The following NHSL2 variants were observed in gnomAD, a reference collection of about 807,000 sequenced individuals.
NHSL2 encodes NHS-like protein 2.
In NHSL2, 27 loss-of-function variants were observed where a neutral mutation model predicts 53.4. The observed-to-expected ratio is 0.51, with a 90% CI of 0.37 to 0.70. The LOEUF is 0.70. Ranked by LOEUF, NHSL2 falls within the 30% of genes least tolerant of loss-of-function variation. The pLI, the probability that NHSL2 is intolerant of heterozygous loss-of-function variation, is 0.00. For synonymous variants in NHSL2, 408 were observed against 404.1 expected, an observed-to-expected ratio of 1.01 and a Z score of -0.12; for missense variants, 892 against 980.1, an observed-to-expected ratio of 0.91 and a Z score of 1.20.
intron 1 of NHSL2, among the ~76,000 whole-genome samples, chrX:72,108,615 C>T (rs1330342425): frequency 8.9e-6 from 1 of 112,878 alleles, no homozygotes; most frequent in Non-Finnish European, 1.9e-5. Flanking sequence ...CACAGAGCAG[C>T]CTGAGCAAAC....
chrX:72,069,868 G>A (rs1366396057), intron 1 of NHSL2: 1 of 318,410 alleles, frequency 3.1e-6, no homozygotes, highest in East Asian at 4.8e-5. Flanking sequence ...AGGGGGCAGG[G>A]AGAGAACCCG....
intron 1 of NHSL2, among the ~76,000 whole-genome samples, chrX:72,053,357 C>T (rs886365532): frequency 2.7e-5 from 3 of 111,841 alleles, no homozygotes; most frequent in Non-Finnish European, 3.8e-5. Flanking sequence ...GGGGACAGGA[C>T]GCTCCATAAC....
rs772353793 is a variant in NHSL2, at chrX:72,138,483, C to T, written c.935C>T (p.Thr312Ile). The change falls in exon 6 of 8, where the codon ACC becomes ATC. Residue 312 changes from threonine to isoleucine, a missense_variant. Physicochemically the swap from Thr to Ile is moderately conservative, Grantham distance 89. Coordinates refer to ENST00000633930, the MANE Select transcript of NHSL2 (RefSeq NM_001013627.3). Reference protein sequence around the residue: ...SPAGSVAHSTTSDIRPSHSVP... With the variant: ...SPAGSVAHSTISDIRPSHSVP... ...GCAGGCAGTGTGGCCCACTCTACCACCTCCGACATCAGGCCCAGTCACTCA... is the reference window on the plus strand; with the variant it reads ...GCAGGCAGTGTGGCCCACTCTACCATCTCCGACATCAGGCCCAGTCACTCA... 4 of 1,161,319 alleles carry T rather than the reference C, an allele frequency of 3.4e-6. No individual in the cohort carries two copies.
intron 1 of NHSL2, among the ~76,000 whole-genome samples, chrX:71,957,501 C>T (rs1366841238): frequency 4.5e-5 from 5 of 111,963 alleles, no homozygotes; most frequent in African/African-American, 6.5e-5. Flanking sequence ...CTCCTGACCT[C>T]GTGATCCGCC....
chrX:72,106,165 C>T (rs749747904), intron 1 of NHSL2, among the ~76,000 whole-genome samples: 2 of 110,054 alleles, frequency 1.8e-5, no homozygotes, highest in African/African-American at 6.6e-5. Context: ...GAGCCGAGAT[C>T]GCGCCACTGC....
At chrX:71,984,243 C>T (rs2041993246) in intron 1 of NHSL2, among the ~76,000 whole-genome samples, 1 of 111,802 alleles carries the variant, frequency 8.9e-6, no homozygotes, top group Non-Finnish European at 1.9e-5. Flanking sequence ...ATTCACAATT[C>T]TGAGTTCTGA....
intron 1 of NHSL2, among the ~76,000 whole-genome samples, chrX:72,102,065 C>T (rs1381616815): frequency 8.9e-6 from 1 of 112,570 alleles, no homozygotes; most frequent in Non-Finnish European, 1.9e-5. Flanking sequence ...GCACCTAGTG[C>T]AGAGCCTGTC....
At chrX:71,914,886 T>C (rs1029850352) in intron 1 of NHSL2, among the ~76,000 whole-genome samples, 1 of 109,434 alleles carries the variant, frequency 9.1e-6, no homozygotes, top group East Asian at 2.9e-4. Context: ...TGGCAGGAAT[T>C]TGGGGACTTG....
At chrX:72,050,219 A>T (rs1297965368) in intron 1 of NHSL2, among the ~76,000 whole-genome samples, 1 of 110,742 alleles carries the variant, frequency 9.0e-6, no homozygotes, top group East Asian at 2.9e-4. Context: ...CCTTGGATCC[A>T]CTTTCGTGTA....
intron 1 of NHSL2, among the ~76,000 whole-genome samples, chrX:72,109,551 C>A (rs775498570): frequency 8.9e-6 from 1 of 112,072 alleles, no homozygotes; most frequent in East Asian, 2.8e-4. Flanking sequence ...CTCACTGCAA[C>A]CTCCGCCTCC....
At chrX:71,934,956 T>G (rs978578244) in intron 1 of NHSL2, among the ~76,000 whole-genome samples, 6 of 111,907 alleles carry the variant, frequency 5.4e-5, no homozygotes, top group African/African-American at 1.9e-4. Flanking sequence ...TGGACTTCTT[T>G]TAGGGTGCCC....
intron 1 of NHSL2, among the ~76,000 whole-genome samples, chrX:72,097,892 G>A (rs1190749511): frequency 1.8e-5 from 2 of 111,946 alleles, no homozygotes; most frequent in Non-Finnish European, 3.8e-5. Flanking sequence ...TCTCTCCAGT[G>A]CCTCCTGCAT....
intron 1 of NHSL2, among the ~76,000 whole-genome samples, chrX:72,002,621 G>T (rs759559637): frequency 9.0e-6 from 1 of 111,724 alleles, no homozygotes; most frequent in Non-Finnish European, 1.9e-5. Flanking sequence ...TATCCAGTAG[G>T]ACTGGAGCTG....
Position 72,152,329 on chromosome X carries a change from C to T in NHSL2, c.*8755C>T, listed in dbSNP as rs2042520409. ...TGTGAGGGCTAATTCACAAATCACA[C>T]CATACATGCGTGTGTGCATGCGCGC... is the stretch of plus-strand genomic sequence containing the variant. On this transcript the variant is annotated 3_prime_UTR_variant, in exon 8 of 8. Coordinates refer to ENST00000633930, the MANE Select transcript of NHSL2 (RefSeq NM_001013627.3). The T allele has an allele frequency of 1.0e-5, 1 of 98,335 alleles. No homozygotes were observed. Among genetic ancestry groups the T allele is most frequent in the African/African-American group, 3.7e-5 (1 of 26,858 alleles). The allele number at this position is 98,335 out of a possible 1,213,427, so 8.1% of individuals were successfully genotyped here. A position where few individuals can be genotyped will look rare whatever the true frequency, so the allele number is the denominator to read the frequency against.
At chrX:72,019,812 G>C (rs2042151836) in intron 1 of NHSL2, among the ~76,000 whole-genome samples, 1 of 112,012 alleles carries the variant, frequency 8.9e-6, no homozygotes, top group Admixed American at 9.4e-5. Context: ...TAATTTCTCA[G>C]ATTTTTCTAG....
rs999030717 is a variant in NHSL2, at chrX:71,947,082, C to A, written c.280+35715C>A. On this transcript the variant is annotated intron_variant, in intron 1 of 7. Coordinates refer to ENST00000633930, the MANE Select transcript of NHSL2 (RefSeq NM_001013627.3). ...TCCATCCTCAGCTGCGCACCCTCTA[C>A]CTGGGCACTCCAGCTTCTCTCACTT... 7.1e-5 allele frequency among the ~76,000 whole-genome samples: 8 copies of A among 112,159 alleles called. No individual in the cohort carries two copies. The Admixed American group carries it at 7.5e-4, about 11-fold the overall frequency.
chrX:72,106,452 A>T (rs2042041248), intron 1 of NHSL2, among the ~76,000 whole-genome samples: 1 of 112,278 alleles, frequency 8.9e-6, no homozygotes, highest in African/African-American at 3.2e-5. Flanking sequence ...GATCATTAAA[A>T]AGTCAGGAAA....
intron 1 of NHSL2, among the ~76,000 whole-genome samples, chrX:72,097,735 C>A (rs139429270): frequency 8.9e-6 from 1 of 112,121 alleles, no homozygotes; most frequent in Non-Finnish European, 1.9e-5. Flanking sequence ...GCAAACACAT[C>A]TCTTGTTATA....
At chrX:72,011,657 G>A (rs750083801) in intron 1 of NHSL2, among the ~76,000 whole-genome samples, 5 of 110,518 alleles carry the variant, frequency 4.5e-5, no homozygotes, top group Non-Finnish European at 5.7e-5. Flanking sequence ...ATGACAGAGC[G>A]AGACTCCATC....
Sources: gnomAD v4.1 joint callset for allele counts (sites outside exome capture counted in the v4.1 genomes callset) on GRCh38, gnomAD v4.1.1 for gene constraint, MANE v1.5 for transcripts, NCBI Gene and HGNC (gene_info 2026-07-23, HGNC 2026-07-21) for gene names.